The following RAD52 variants were observed in gnomAD, a reference collection of about 807,000 sequenced individuals.
RAD52 encodes DNA repair protein RAD52 homolog.
A neutral mutation model predicts 55.5 loss-of-function variants in RAD52; 47 were observed. The observed-to-expected ratio is 0.85, with a 90% CI of 0.67 to 1.08. RAD52 has a LOEUF of 1.08. RAD52 is among the 50% of genes least tolerant of loss of function. RAD52 has a pLI of 0.00. For synonymous variants in RAD52, 184 were observed against 198.9 expected, an observed-to-expected ratio of 0.92 and a Z score of 0.63; for missense variants, 468 against 522.8, an observed-to-expected ratio of 0.90 and a Z score of 1.02.
intron 1 of RAD52, among the ~76,000 whole-genome samples, chr12:940,068 C>G (rs563663856): frequency 6.7e-5 from 10 of 149,470 alleles, no homozygotes; most frequent in African/African-American, 2.0e-4. Context: ...GAATGAGACT[C>G]TGTCTCAAAA....
upstream of RAD52, among the ~76,000 whole-genome samples, chr12:951,884 T>G (rs755652747): frequency 6.6e-6 from 1 of 152,206 alleles, no homozygotes; most frequent in South Asian, 2.1e-4. Flanking sequence ...TTCTGAAACA[T>G]AATTTTTGGG....
chr12:966,371 T>C (rs1177596889), intron 1 of RAD52, among the ~76,000 whole-genome samples: 1 of 152,056 alleles, frequency 6.6e-6, no homozygotes, highest in East Asian at 1.9e-4. Flanking sequence ...AATGGAATAT[T>C]CATGGCCATC....
chr12:948,139 A>G (rs1008036971), intron 1 of RAD52, among the ~76,000 whole-genome samples: 1 of 152,036 alleles, frequency 6.6e-6, no homozygotes, highest in Admixed American at 6.6e-5. Flanking sequence ...TAAAAAATGA[A>G]GTTGATACAT....
intron 1 of RAD52, among the ~76,000 whole-genome samples, chr12:948,881 T>C (rs1160101262): frequency 6.6e-6 from 1 of 151,942 alleles, no homozygotes; most frequent in Admixed American, 6.6e-5. Context: ...GTATTTTTAG[T>C]AGAGACGGGG....
intron 1 of RAD52, among the ~76,000 whole-genome samples, chr12:967,783 T>C (rs1451047873): frequency 2.0e-5 from 3 of 151,828 alleles, no homozygotes; most frequent in Non-Finnish European, 4.4e-5. Context: ...TAAAAAAACT[T>C]TTTGTGGCTG....
chr12:987,204 C>A (rs1431362189), intron 1 of RAD52, among the ~76,000 whole-genome samples: 1 of 151,856 alleles, frequency 6.6e-6, no homozygotes, highest in South Asian at 2.1e-4. Flanking sequence ...CTCCTGACAT[C>A]GTGATCCACC....
intron 1 of RAD52, among the ~76,000 whole-genome samples, chr12:955,729 C>T (rs566258295): frequency 3.3e-4 from 50 of 152,168 alleles, no homozygotes; most frequent in Non-Finnish European, 6.5e-4. Flanking sequence ...GCCTCGGTCT[C>T]CCAAAGTGCT....
chr12:925,378 C>T (rs1956976375), intron 7 of RAD52, 72 bp downstream of exon 7: 2 of 1,312,874 alleles, frequency 1.5e-6, no homozygotes, highest in Admixed American at 3.4e-5. Flanking sequence ...CTTGCATCCT[C>T]CAAATACTCA....
chr12:921,834 G>A (rs1388875731), intron 7 of RAD52, among the ~76,000 whole-genome samples: 6 of 152,068 alleles, frequency 3.9e-5, no homozygotes, highest in Admixed American at 1.3e-4. Flanking sequence ...GGCTGGGTGC[G>A]GGGGCTCACA....
At chr12:990,879 C>A (rs914262739), upstream of RAD52, among the ~76,000 whole-genome samples, 12 of 151,996 alleles carry the variant, frequency 7.9e-5, no homozygotes, top group African/African-American at 2.9e-4. Flanking sequence ...GAGACAAGCG[C>A]CACCCTGCGC....
rs1956190111 is a variant in RAD52, at chr12:913,233, G to A, written c.*158C>T. The A allele has an allele frequency of 4.4e-6, 3 of 678,212 alleles. No homozygotes were observed. The highest frequency in any genetic ancestry group is 7.7e-6 in the Non-Finnish European group (3 of 387,660). 42.0% of individuals were successfully genotyped at this position (678,212 alleles called of 1,614,324 possible). ...TCAAAAGTGCTCAGCTCTAACTGCA[G>A]TGGGCTCTCAGTCAGATCCTCTTGA... On this transcript the variant is annotated 3_prime_UTR_variant, in exon 12 of 12. Coordinates refer to ENST00000358495, the MANE Select transcript of RAD52 (RefSeq NM_134424.4).
intron 1 of RAD52, among the ~76,000 whole-genome samples, chr12:957,931 A>C (rs1180174068): frequency 2.0e-5 from 3 of 152,254 alleles, no homozygotes; most frequent in Non-Finnish European, 4.4e-5. Flanking sequence ...TGTTTTGCTG[A>C]ATCTCGTTGT....
At chr12:984,837 T>C (rs1959065764) in intron 1 of RAD52, among the ~76,000 whole-genome samples, 1 of 152,076 alleles carries the variant, frequency 6.6e-6, no homozygotes, top group Admixed American at 6.5e-5. Context: ...GCTAATTTTT[T>C]GTATTCTTCA....
At chr12:962,311 T>G (rs941188880) in intron 1 of RAD52, among the ~76,000 whole-genome samples, 7 of 150,894 alleles carry the variant, frequency 4.6e-5, no homozygotes, top group African/African-American at 1.7e-4. Context: ...AATGAGGAGT[T>G]AGAGGTGGCC....
At chr12:957,756 C>A (rs973094360) in intron 1 of RAD52, among the ~76,000 whole-genome samples, 2 of 152,174 alleles carry the variant, frequency 1.3e-5, no homozygotes, top group African/African-American at 2.4e-5. Flanking sequence ...CGCCACTGCA[C>A]TCCAGCCTGG....
intron 1 of RAD52, among the ~76,000 whole-genome samples, chr12:935,910 G>C (rs1299084439): frequency 6.7e-6 from 1 of 148,988 alleles, no homozygotes; most frequent in Non-Finnish European, 1.5e-5. Context: ...CTAGAGACGG[G>C]GTTTCACCAT....
At chr12:963,825 A>G (rs1211937395) in intron 1 of RAD52, among the ~76,000 whole-genome samples, 3 of 145,270 alleles carry the variant, frequency 2.1e-5, no homozygotes, top group Non-Finnish European at 4.5e-5. Flanking sequence ...ATCGGCAAGT[A>G]AAAAAAAAAA....
chr12:939,213 G>A (rs187846090), intron 1 of RAD52, among the ~76,000 whole-genome samples: 3 of 152,112 alleles, frequency 2.0e-5, no homozygotes, highest in African/African-American at 7.2e-5. Flanking sequence ...AGTGCAGTGA[G>A]GCGATCATGG....
chr12:927,704 A>G (rs1957114839), intron 5 of RAD52, among the ~76,000 whole-genome samples: 1 of 152,014 alleles, frequency 6.6e-6, no homozygotes, highest in South Asian at 2.1e-4. Flanking sequence ...TATCTCTACT[A>G]AAAATACAAA....
Sources: allele counts gnomAD v4.1 joint callset (sites outside exome capture counted in the v4.1 genomes callset), GRCh38; gene constraint gnomAD v4.1.1; transcripts MANE v1.5; gene names NCBI Gene and HGNC (gene_info 2026-07-23, HGNC 2026-07-21).